Variants in UNC80 observed in about 807,000 individuals in gnomAD.
UNC80 encodes the protein protein unc-80 homolog.
In UNC80, 164 loss-of-function variants were observed where a neutral mutation model predicts 384.6. That is an observed-to-expected ratio of 0.43 (90% CI 0.38 to 0.49). The LOEUF (loss-of-function observed/expected upper bound fraction) is 0.49. Among genes scored for constraint, UNC80 ranks in the 20% least tolerant of loss-of-function variants. The probability of loss-of-function intolerance (pLI) is 0.00; values close to 1 mark genes in which losing one functional copy is unlikely to be tolerated. For missense variants in UNC80, 3,330 were observed against 4,143.0 expected, an observed-to-expected ratio of 0.80 and a Z score of 5.39; for synonymous variants, 1,486 against 1,527.8, an observed-to-expected ratio of 0.97 and a Z score of 0.64.
Position 209,815,272 on chromosome 2 carries a change from T to G in UNC80, c.1216T>G (p.Cys406Gly), listed in dbSNP as rs2079649719. 1 of 1,551,558 alleles carries G rather than the reference T, an allele frequency of 6.4e-7. No homozygotes were observed. Among genetic ancestry groups the G allele is most frequent in the Non-Finnish European group, 8.7e-7 (1 of 1,146,956 alleles). ...THKTQDLTMK[C>G]NEEEKSLSSE... ...CTTTATTAAGGATCTCACCATGAAG[T>G]GTAACGAGGAGGAAAAATCTCTTAG... Residue 406 changes from cysteine to glycine, a missense_variant, in exon 9 of 65, where the codon TGT becomes GGT. Transcript: ENST00000673920.
intron 28 of UNC80, among the ~76,000 whole-genome samples, chr2:209,902,590 C>G (rs112745319): frequency 1.6e-3 from 243 of 152,288 alleles, no homozygotes; most frequent in African/African-American, 5.6e-3. Context: ...CCTTCAGCAA[C>G]CACTTCTCTC....
intron 26 of UNC80, among the ~76,000 whole-genome samples, chr2:209,889,048 GA>G (rs2086093665): frequency 6.6e-6 from 1 of 152,112 alleles, no homozygotes; most frequent in East Asian, 1.9e-4. Context: ...GTGAAACTAT[GA>G]AGACAGAAAG....
chr2:209,976,057 T>C lies in UNC80; in HGVS notation c.8588-62T>C. The stretch of plus-strand genomic sequence containing the variant: ...AAAGGTGCATAAAGGGCTCTGGATG[T>C]AGGTTGGGTTCCTCGGAAGCACACG... On this transcript the variant is annotated intron_variant, in intron 56 of 64. Coordinates refer to ENST00000673920, the MANE Select transcript of UNC80 (RefSeq NM_001371986.1). The surrounding 1 kb of genome is among the most constrained non-coding windows in gnomAD (Gnocchi z 4.3). 1 of 1,480,948 alleles carries C rather than the reference T, an allele frequency of 6.8e-7. No individual in the cohort carries two copies. The highest frequency in any genetic ancestry group is 1.3e-5 in the South Asian group (1 of 74,746). 91.7% of individuals were successfully genotyped at this position (1,480,948 alleles called of 1,614,324 possible).
At chr2:209,954,972 G>A (rs2092344170) in intron 48 of UNC80, among the ~76,000 whole-genome samples, 1 of 152,168 alleles carries the variant, frequency 6.6e-6, no homozygotes, top group Non-Finnish European at 1.5e-5. Flanking sequence ...GGGGCAGGCA[G>A]GGAGCCCTGG....
At chr2:209,894,970 A>G (rs903286651) in intron 27 of UNC80, among the ~76,000 whole-genome samples, 4 of 152,226 alleles carry the variant, frequency 2.6e-5, no homozygotes, top group African/African-American at 9.6e-5. Context: ...CTGACTACAC[A>G]GTGAGAATAA....
At chr2:209,917,367 A>G (rs1281025453) in intron 31 of UNC80, among the ~76,000 whole-genome samples, 1 of 152,208 alleles carries the variant, frequency 6.6e-6, no homozygotes, top group Non-Finnish European at 1.5e-5. Flanking sequence ...ATGATGTGGA[A>G]TTTTTAAAGT....
intron 7 of UNC80, among the ~76,000 whole-genome samples, chr2:209,799,883 C>T (rs2078428152): frequency 6.6e-6 from 1 of 152,158 alleles, no homozygotes; most frequent in South Asian, 2.1e-4. Context: ...TATTGATTTG[C>T]ATATGTTGAA....
chr2:209,820,193 T>C (rs1274422600), intron 12 of UNC80, 118 bp from the exon 13 acceptor site: 3 of 1,363,848 alleles, frequency 2.2e-6, no homozygotes, highest in Admixed American at 6.7e-5. Context: ...GTCTAAATTA[T>C]TTCTACCCAA....
chr2:209,863,607 T>G (rs1471473840), intron 22 of UNC80, among the ~76,000 whole-genome samples: 1 of 151,848 alleles, frequency 6.6e-6, no homozygotes, highest in Non-Finnish European at 1.5e-5. Context: ...TTGATATCCT[T>G]TCTTCTGCTT....
chr2:209,887,856 T>A lies in UNC80; in HGVS notation c.4111-239T>A, dbSNP rs999245239. Among the ~76,000 whole-genome samples the A allele has an allele frequency of 2.0e-5, 3 of 152,176 alleles. No individual in the cohort carries two copies. In the East Asian group the frequency reaches 5.8e-4, roughly 29 times the overall value. On this transcript the variant is annotated intron_variant, in intron 25 of 64. Coordinates refer to ENST00000673920, the MANE Select transcript of UNC80 (RefSeq NM_001371986.1). ...TTTGGATTTGGATCAAGGCCTATGC[T>A]TTTGGAAGGTAAAGCATGTGAGGAA...
At chr2:209,963,982 A>G (rs2092672426) in intron 51 of UNC80, among the ~76,000 whole-genome samples, 1 of 152,348 alleles carries the variant, frequency 6.6e-6, no homozygotes, top group South Asian at 2.1e-4. Context: ...TTTTCTATCC[A>G]TGGAGCCAGT....
At chr2:209,798,852 T>C (rs2078343297) in intron 7 of UNC80, among the ~76,000 whole-genome samples, 1 of 147,054 alleles carries the variant, frequency 6.8e-6, no homozygotes, top group Non-Finnish European at 1.5e-5. Flanking sequence ...TAATTTTTTT[T>C]TTTTTTTTTT....
Position 209,972,227 on chromosome 2 carries a change from C to T in UNC80, c.8283C>T (p.Ser2761=). 6 of 1,551,372 alleles carry T rather than the reference C, an allele frequency of 3.9e-6. No individual in the cohort carries two copies. Among genetic ancestry groups the T allele is most frequent in the Non-Finnish European group, 5.2e-6 (6 of 1,146,776 alleles). ...IQALKEDFPL[S]HVISPFTNQE... Reference sequence around the variant, plus strand: ...CTTTAAAAGAAGATTTTCCTTTAAGCCATGTGATCTCCCCATTCACCAATC... The same window carrying T: ...CTTTAAAAGAAGATTTTCCTTTAAGTCATGTGATCTCCCCATTCACCAATC... Residue 2761 remains serine, a synonymous_variant, in exon 55 of 65, where the codon AGC becomes AGT. Coordinates refer to ENST00000673920, the MANE Select transcript of UNC80 (RefSeq NM_001371986.1).
At chr2:209,935,874 AT>A in intron 40 of UNC80, 66 bp downstream of exon 40, 1 of 970,252 alleles carries the variant, frequency 1.0e-6, no homozygotes, top group Non-Finnish European at 1.5e-6. Flanking sequence ...CTGAAGATCC[AT>A]TTTAGAATAA....
chr2:209,812,037 TG>T (rs759401812), intron 7 of UNC80, among the ~76,000 whole-genome samples: 6 of 152,114 alleles, frequency 3.9e-5, no homozygotes, highest in Non-Finnish European at 5.9e-5. Flanking sequence ...ATAGTATTTT[TG>T]TTTTTGTTTT....
At chr2:209,969,561 T>A (rs2092824714) in intron 52 of UNC80, 2 of 574,616 alleles carry the variant, frequency 3.5e-6, no homozygotes, top group Middle Eastern at 4.6e-4. Flanking sequence ...TCAATAGATT[T>A]AGTCGAGTGG....
At chr2:209,931,364 AACACACACACACACACACACAC>A (rs61386739) in intron 38 of UNC80, among the ~76,000 whole-genome samples, 15 of 125,558 alleles carry the variant, frequency 1.2e-4, no homozygotes, top group African/African-American at 3.2e-4. Flanking sequence ...TCTATGTTTA[AACACACACACACACACACACAC>A]ACACACACAC....
At chr2:209,860,571 C>G (rs2083275483) in intron 22 of UNC80, among the ~76,000 whole-genome samples, 1 of 152,142 alleles carries the variant, frequency 6.6e-6, no homozygotes, top group Non-Finnish European at 1.5e-5. Context: ...ATAGTTTTTT[C>G]TAATTCTGTG....
Position 209,935,696 on chromosome 2 carries a change from T to C in UNC80, c.6179-18T>C, listed in dbSNP as rs1273544298. ...TCTATAGTAAAAGTCAGTTTGTTAT[T>C]ATTTTTATCATCTGTAGGTACTAAA... On this transcript the variant is annotated intron_variant, in intron 39 of 64. Transcript: ENST00000673920. 2 of 1,354,666 alleles carry C rather than the reference T, an allele frequency of 1.5e-6. No individual in the cohort carries two copies. Among genetic ancestry groups the C allele is most frequent in the South Asian group, 1.8e-5 (1 of 56,744 alleles). The allele number at this position is 1,354,666 out of a possible 1,614,324, so 83.9% of individuals were successfully genotyped here.
Sources: allele counts gnomAD v4.1 joint callset (sites outside exome capture counted in the v4.1 genomes callset), GRCh38; gene constraint gnomAD v4.1.1; non-coding constraint Gnocchi (gnomAD v3.1); transcripts MANE v1.5; gene names NCBI Gene and HGNC (gene_info 2026-07-23, HGNC 2026-07-21).